The following ROBO1 variants were observed in gnomAD, a reference collection of about 807,000 sequenced individuals.
ROBO1 encodes the protein roundabout guidance receptor 1, also known as roundabout homolog 1.
Under a neutral mutation model 195.9 loss-of-function variants are expected in ROBO1, and 149 were observed. The observed-to-expected ratio is 0.76, with a 90% CI of 0.67 to 0.87. The LOEUF is 0.87. ROBO1 is among the 40% of genes least tolerant of loss of function. The probability of loss-of-function intolerance (pLI) is 0.00; values close to 1 mark genes in which losing one functional copy is unlikely to be tolerated. For missense variants in ROBO1, 1,933 were observed against 2,068.3 expected (o/e 0.93, Z 1.27); for synonymous variants, 816 against 733.2 (o/e 1.11, Z -1.82).
At chr3:79,466,117 G>A (rs1417275808) in intron 2 of ROBO1, among the ~76,000 whole-genome samples, 1 of 151,598 alleles carries the variant, frequency 6.6e-6, no homozygotes, top group Non-Finnish European at 1.5e-5. Flanking sequence ...TTTTCTCTGT[G>A]ACCAAAAGAT....
intron 2 of ROBO1, among the ~76,000 whole-genome samples, chr3:79,241,058 A>G (rs1186537192): frequency 6.6e-6 from 1 of 152,176 alleles, no homozygotes; most frequent in Non-Finnish European, 1.5e-5. Context: ...TAACTTTTGC[A>G]AACATTTTAT....
intron 3 of ROBO1, among the ~76,000 whole-genome samples, chr3:79,063,690 G>A (rs1049527001): frequency 6.6e-6 from 1 of 151,868 alleles, no homozygotes; most frequent in Non-Finnish European, 1.5e-5. Flanking sequence ...AGTTCAGCAT[G>A]CCGCAGCTCC....
intron 2 of ROBO1, among the ~76,000 whole-genome samples, chr3:79,331,284 G>T (rs1316277686): frequency 6.6e-6 from 1 of 152,040 alleles, no homozygotes; most frequent in East Asian, 1.9e-4. Context: ...ATTTGATGTT[G>T]AATACTATAA....
In ROBO1 at chr3:78,939,397, G is replaced by A. The variant is rs576433820; in HGVS notation, c.173-470C>T. On this transcript the variant is annotated intron_variant, in intron 3 of 30. Transcript: ENST00000464233. Reference sequence around the variant, plus strand: ...TGGGGGGCCGAGGCGGGCGGATCACGAGGTCAGGAGATCAAGACCATCCTG... The same window carrying A: ...TGGGGGGCCGAGGCGGGCGGATCACAAGGTCAGGAGATCAAGACCATCCTG... Among the ~76,000 whole-genome samples the A allele has an allele frequency of 1.3e-4, 20 of 151,252 alleles. No individual in the cohort carries two copies. In the South Asian group the frequency reaches 4.0e-3, roughly 30 times the overall value.
intron 8 of ROBO1, among the ~76,000 whole-genome samples, chr3:78,711,407 C>CTT (rs1270441476): frequency 1.4e-5 from 1 of 69,104 alleles, no homozygotes; most frequent in Non-Finnish European, 2.8e-5. Context: ...TCCTTTCTTT[C>CTT]TTTCTTTCTT....
intron 2 of ROBO1, among the ~76,000 whole-genome samples, chr3:79,393,417 TAA>T (rs1166870743): frequency 6.6e-6 from 1 of 152,212 alleles, no homozygotes; most frequent in Non-Finnish European, 1.5e-5. Context: ...ATTCAGTACT[TAA>T]AAGAATAGAC....
intron 2 of ROBO1, among the ~76,000 whole-genome samples, chr3:79,171,798 C>A (rs921053026): frequency 2.9e-4 from 44 of 151,994 alleles, no homozygotes; most frequent in African/African-American, 9.9e-4. Context: ...CAAAAATATT[C>A]TCTGAAAGTC....
chr3:78,861,977 G>C (rs2034871574), intron 4 of ROBO1, among the ~76,000 whole-genome samples: 1 of 152,150 alleles, frequency 6.6e-6, no homozygotes, highest in African/African-American at 2.4e-5. Context: ...GCTCTCCAAA[G>C]ATGTCTATGC....
intron 3 of ROBO1, among the ~76,000 whole-genome samples, chr3:79,079,169 C>G (rs1233516037): frequency 6.6e-6 from 1 of 151,628 alleles, no homozygotes; most frequent in Non-Finnish European, 1.5e-5. Context: ...CATATTGAAG[C>G]ATGGAATAAA....
chr3:78,695,401 G>A (rs906240225), intron 8 of ROBO1, among the ~76,000 whole-genome samples: 9 of 151,938 alleles, frequency 5.9e-5, no homozygotes, highest in African/African-American at 9.7e-5. Flanking sequence ...CAAGGCAGGC[G>A]GATCATGAAG....
intron 2 of ROBO1, among the ~76,000 whole-genome samples, chr3:79,497,004 A>T (rs1280987328): frequency 6.6e-6 from 1 of 152,218 alleles, no homozygotes; most frequent in African/African-American, 2.4e-5. Context: ...GCTCTCTCTA[A>T]CATCGCTGTC....
intron 2 of ROBO1, among the ~76,000 whole-genome samples, chr3:79,584,508 G>A (rs1264803467): frequency 6.6e-6 from 1 of 151,394 alleles, no homozygotes; most frequent in Non-Finnish European, 1.5e-5. Context: ...TCAATGAGCA[G>A]AGTGGGAGGA....
At chr3:79,123,853 A>T (rs1190516525) in intron 3 of ROBO1, among the ~76,000 whole-genome samples, 1 of 152,080 alleles carries the variant, frequency 6.6e-6, no homozygotes, top group South Asian at 2.1e-4. Flanking sequence ...ATAAAAATGA[A>T]AAACATTAAT....
chr3:79,003,649 A>G lies in ROBO1; in HGVS notation c.173-64722T>C, dbSNP rs75632106. Among the ~76,000 whole-genome samples, 78 of 152,332 alleles carry G rather than the reference A, an allele frequency of 5.1e-4. No individual in the cohort carries two copies. In the East Asian group the frequency reaches 0.012, roughly 24 times the overall value. ...AATTGTACGCATTTTACTGTGAAAC[A>G]TAATGAAAAATAAAAATTTCTATTG... On this transcript the variant is annotated intron_variant, in intron 3 of 30. Coordinates refer to ENST00000464233, the MANE Select transcript of ROBO1 (RefSeq NM_002941.4).
intron 26 of ROBO1, among the ~76,000 whole-genome samples, chr3:78,623,451 G>A (rs922145397): frequency 3.3e-5 from 5 of 152,126 alleles, no homozygotes; most frequent in South Asian, 2.1e-4. Flanking sequence ...GACATTGTTC[G>A]GGGAGTAGCA....
chr3:78,600,217 C>G lies in ROBO1; in HGVS notation c.4837G>C (p.Gly1613Arg), dbSNP rs1364682720. The stretch of plus-strand genomic sequence containing the variant: ...TTTGCTTGTTCTCTTTGTCTGCTTC[C>G]TGATCCTCTTGATGACATTGAGCTT... ...SSSSMSSRGS[G>R]SRQREQANVG... Residue 1613 changes from glycine (G) to arginine (R), a missense_variant, in exon 30 of 31, where the codon GGA (glycine) becomes CGA (arginine). Physicochemically the swap from Gly to Arg is moderately radical, Grantham distance 125 (BLOSUM62 -2). This residue lies in a region of ROBO1 where 1,737 missense variants were observed against 1,882.5 expected (regional missense o/e 0.92). Coordinates refer to ENST00000464233, the MANE Select transcript of ROBO1 (RefSeq NM_002941.4). 1.9e-6 allele frequency: 3 copies of G among 1,613,534 alleles called. No homozygotes were observed. Among genetic ancestry groups the G allele is most frequent in the East Asian group, 4.5e-5 (2 of 44,834 alleles).
At chr3:78,944,664 T>A (rs1390317870) in intron 3 of ROBO1, among the ~76,000 whole-genome samples, 1 of 152,152 alleles carries the variant, frequency 6.6e-6, no homozygotes, top group African/African-American at 2.4e-5. Context: ...AGACAGTAGG[T>A]GCAGGACAGT....
intron 19 of ROBO1, among the ~76,000 whole-genome samples, chr3:78,650,200 T>C (rs1337791883): frequency 6.6e-6 from 1 of 152,144 alleles, no homozygotes; most frequent in African/African-American, 2.4e-5. Flanking sequence ...AGGTTTTATA[T>C]GGTAGCATGT....
chr3:79,551,980 TAAAAAAAAAA>T (rs771824432), intron 2 of ROBO1, among the ~76,000 whole-genome samples: 4,096 of 44,272 alleles, frequency 0.093, 153 homozygotes, highest in Admixed American at 0.12. Flanking sequence ...TCTACAGAGT[TAAAAAAAAAA>T]AAAAAAAAAA....
Sources: allele counts gnomAD v4.1 joint callset (sites outside exome capture counted in the v4.1 genomes callset), GRCh38; gene constraint gnomAD v4.1.1; regional missense constraint gnomAD v4.1.1; transcripts MANE v1.5; gene names NCBI Gene and HGNC (gene_info 2026-07-23, HGNC 2026-07-21).